RBFOX1: variants seen among roughly 807,000 people sequenced by gnomAD.
The protein encoded by RBFOX1 is RNA binding protein fox-1 homolog 1.
A neutral mutation model predicts 57.7 loss-of-function variants in RBFOX1; 8 were observed. The observed-to-expected ratio is 0.14, with a 90% CI of 0.08 to 0.25. The LOEUF is 0.25. Among genes scored for constraint, RBFOX1 ranks in the 10% least tolerant of loss-of-function variants. The pLI, the probability that RBFOX1 is intolerant of heterozygous loss-of-function variation, is 1.00. For synonymous variants in RBFOX1, 326 were observed against 222.4 expected (o/e 1.47, Z -4.15); for missense variants, 611 against 548.5 (o/e 1.11, Z -1.14).
At chr16:6,340,928 G>A (rs74005095) in intron 2 of RBFOX1, among the ~76,000 whole-genome samples, 47 of 152,164 alleles carry the variant, frequency 3.1e-4, no homozygotes, top group African/African-American at 1.1e-3. Flanking sequence ...GGGACCTGGG[G>A]GATCACAAGC....
At chr16:7,468,815 T>G (rs1039043846) in intron 4 of RBFOX1, among the ~76,000 whole-genome samples, 6 of 152,198 alleles carry the variant, frequency 3.9e-5, no homozygotes, top group Admixed American at 6.5e-5. Context: ...TTCTTTTGGG[T>G]GGATGCCACT....
At chr16:6,658,894 C>A (rs1047051412) in intron 3 of RBFOX1, among the ~76,000 whole-genome samples, 1 of 149,876 alleles carries the variant, frequency 6.7e-6, no homozygotes, top group African/African-American at 2.4e-5. Flanking sequence ...TAATAGGAAG[C>A]AGGAGCACAG....
At chr16:6,418,221 C>G (rs1007861517) in intron 2 of RBFOX1, among the ~76,000 whole-genome samples, 3 of 152,138 alleles carry the variant, frequency 2.0e-5, no homozygotes, top group Non-Finnish European at 4.4e-5. Context: ...TTGGAGAGAC[C>G]ATATGGCATG....
intron 2 of RBFOX1, among the ~76,000 whole-genome samples, chr16:5,514,598 G>C (rs1344635271): frequency 6.6e-6 from 1 of 152,178 alleles, no homozygotes; most frequent in African/African-American, 2.4e-5. Context: ...GCCTGCCACA[G>C]TCAGGCACTG....
At chr16:7,039,860 T>C (rs376687756) in intron 3 of RBFOX1, among the ~76,000 whole-genome samples, 9 of 152,128 alleles carry the variant, frequency 5.9e-5, no homozygotes, top group African/African-American at 1.9e-4. Context: ...ACCTCTCTCT[T>C]TTTATTTTCT....
intron 14 of RBFOX1, among the ~76,000 whole-genome samples, chr16:7,699,889 C>G (rs926241466): frequency 6.6e-6 from 1 of 152,074 alleles, no homozygotes; most frequent in African/African-American, 2.4e-5. Context: ...TCCCCAAGAA[C>G]TGGTCATTTG....
chr16:6,595,499 G>A (rs1427013840), intron 2 of RBFOX1, among the ~76,000 whole-genome samples: 1 of 152,100 alleles, frequency 6.6e-6, no homozygotes, highest in Non-Finnish European at 1.5e-5. Context: ...TCAGCTATTA[G>A]AAACAATGCT....
At chr16:7,165,851 A>G (rs879860486) in intron 4 of RBFOX1, among the ~76,000 whole-genome samples, 5 of 151,632 alleles carry the variant, frequency 3.3e-5, no homozygotes, top group Non-Finnish European at 7.4e-5. Flanking sequence ...GATGGATGAT[A>G]TTACTCCTTT....
intron 2 of RBFOX1, among the ~76,000 whole-genome samples, chr16:6,540,471 G>A (rs1209009514): frequency 6.6e-6 from 1 of 151,840 alleles, no homozygotes; most frequent in Non-Finnish European, 1.5e-5. Flanking sequence ...AATTAGCCAG[G>A]TGTGGTGGCA....
chr16:7,420,796 C>G (rs1229206586), intron 4 of RBFOX1, among the ~76,000 whole-genome samples: 2 of 149,952 alleles, frequency 1.3e-5, no homozygotes, highest in Non-Finnish European at 3.0e-5. Flanking sequence ...GATCTGTTCT[C>G]TATAGCCTGT....
chr16:6,883,155 C>T lies in RBFOX1; in HGVS notation c.-15-168902C>T, dbSNP rs573654809. 1.4e-4 allele frequency among the ~76,000 whole-genome samples: 21 copies of T among 152,164 alleles called. No individual in the cohort carries two copies. The East Asian group carries it at 3.1e-3, about 22-fold the overall frequency. On this transcript the variant is annotated intron_variant, in intron 3 of 15. Transcript: ENST00000550418. ...CATTAAGGCAGAGGTGGGGAGGTAG[C>T]CATTTATATTAAAGATACGTTTAAT...
intron 1 of RBFOX1, among the ~76,000 whole-genome samples, chr16:6,303,377 G>T (rs943694036): frequency 6.6e-6 from 1 of 151,920 alleles, no homozygotes; most frequent in African/African-American, 2.4e-5. Context: ...AGTGGAGGAT[G>T]GCTTTCTTTA....
Position 5,974,501 on chromosome 16 carries a change from T to C in RBFOX1, c.351+107166T>C, listed in dbSNP as rs576194899. ...GGTGTGCACCTGTAATCCCAGCTAC[T>C]CGGGAGGCTGAGGCAGGAGAATCAC... On this transcript the variant is annotated intron_variant, in intron 4 of 19. Transcript: ENST00000641259. Among the ~76,000 whole-genome samples the C allele has an allele frequency of 2.5e-3, 375 of 151,906 alleles. 1 individual carries two copies. The highest frequency in any genetic ancestry group is 3.9e-3 in the Non-Finnish European group (263 of 67,958).
chr16:6,842,050 G>A (rs1292328147), intron 3 of RBFOX1, among the ~76,000 whole-genome samples: 1 of 151,934 alleles, frequency 6.6e-6, no homozygotes, highest in Non-Finnish European at 1.5e-5. Flanking sequence ...GGCTGAGGGA[G>A]GAGAATGGCG....
chr16:5,310,188 C>G (rs548980179), intron 1 of RBFOX1, among the ~76,000 whole-genome samples: 1 of 152,090 alleles, frequency 6.6e-6, no homozygotes, highest in Non-Finnish European at 1.5e-5. Context: ...CACTCGAGGG[C>G]AGGAGTTTGA....
chr16:6,870,148 A>C (rs1268008257), intron 3 of RBFOX1, among the ~76,000 whole-genome samples: 1 of 152,130 alleles, frequency 6.6e-6, no homozygotes, highest in Non-Finnish European at 1.5e-5. Context: ...CCTAGTTTTC[A>C]CAGGATGGTG....
chr16:7,105,415 G>C (rs1397256752), intron 4 of RBFOX1, among the ~76,000 whole-genome samples: 1 of 151,172 alleles, frequency 6.6e-6, no homozygotes, highest in African/African-American at 2.4e-5. Flanking sequence ...GTGAGATTTT[G>C]GTACACCCAT....
At chr16:6,834,660 A>T (rs1000751874) in intron 3 of RBFOX1, among the ~76,000 whole-genome samples, 1 of 152,150 alleles carries the variant, frequency 6.6e-6, no homozygotes, top group Non-Finnish European at 1.5e-5. Flanking sequence ...TAAATGTCAA[A>T]ATAAGAATTA....
At chr16:7,105,747 C>G (rs1016670931) in intron 4 of RBFOX1, among the ~76,000 whole-genome samples, 2 of 149,834 alleles carry the variant, frequency 1.3e-5, no homozygotes, top group East Asian at 2.0e-4. Flanking sequence ...TAGATTCAGT[C>G]ACAGAGATAT....
Sources: gnomAD v4.1 joint callset for allele counts (sites outside exome capture counted in the v4.1 genomes callset) on GRCh38, gnomAD v4.1.1 for gene constraint, MANE v1.5 for transcripts, NCBI Gene and HGNC (gene_info 2026-07-23, HGNC 2026-07-21) for gene names.